The following SULT6B1 variants were observed in gnomAD, a reference collection of about 807,000 sequenced individuals.
SULT6B1 encodes the protein sulfotransferase family 6B member 1, also known as sulfotransferase 6B1.
SULT6B1 carries 44 observed loss-of-function variants against 37.2 expected under a neutral mutation model. That is an observed-to-expected ratio of 1.18 (90% CI 0.93 to 1.52). SULT6B1 has a LOEUF of 1.52. Among genes scored for constraint, SULT6B1 ranks in the 40% most tolerant of loss-of-function variants. SULT6B1 has a pLI of 0.00. For synonymous variants in SULT6B1, 140 were observed against 126.0 expected, an observed-to-expected ratio of 1.11 and a Z score of -0.74; for missense variants, 450 against 361.0, an observed-to-expected ratio of 1.25 and a Z score of -2.00.
chr2:37,179,194 G>A (rs916143425), intron 4 of SULT6B1, among the ~76,000 whole-genome samples: 3 of 152,166 alleles, frequency 2.0e-5, no homozygotes. Flanking sequence ...TCCTGACCTT[G>A]TGATCTGCCC....
chr2:37,190,755 G>A (rs1431943158), upstream of SULT6B1, among the ~76,000 whole-genome samples: 1 of 152,132 alleles, frequency 6.6e-6, no homozygotes, highest in Non-Finnish European at 1.5e-5. Context: ...AGTGGTACAG[G>A]ATGCAGGGTC....
chr2:37,172,773 G>T (rs898438001), intron 5 of SULT6B1, among the ~76,000 whole-genome samples: 1 of 152,352 alleles, frequency 6.6e-6, no homozygotes, highest in South Asian at 2.1e-4. Context: ...CTCCCAAAGT[G>T]CTAGGATTAC....
intron 3 of SULT6B1, among the ~76,000 whole-genome samples, 185 bp from the exon 4 acceptor site, chr2:37,179,769 G>C (rs761067036): frequency 6.6e-6 from 1 of 152,028 alleles, no homozygotes; most frequent in African/African-American, 2.4e-5. Flanking sequence ...GGAAAGGAGA[G>C]AAAGAAGAAG....
upstream of SULT6B1, chr2:37,191,244 G>A (rs532174654): frequency 7.5e-6 from 1 of 133,436 alleles, no homozygotes; most frequent in African/African-American, 2.9e-5. Flanking sequence ...CAAGGCCATG[G>A]CATTTTTCAC....
intron 4 of SULT6B1, among the ~76,000 whole-genome samples, chr2:37,176,152 C>T (rs1326820230): frequency 6.6e-6 from 1 of 151,910 alleles, no homozygotes; most frequent in Non-Finnish European, 1.5e-5. Context: ...CTTAAAACTC[C>T]TTGTACCTTA....
At chr2:37,192,087 T>G (rs890730898), upstream of SULT6B1, among the ~76,000 whole-genome samples, 16 of 152,222 alleles carry the variant, frequency 1.1e-4, no homozygotes, top group African/African-American at 3.9e-4. Context: ...TCCTGCAGTG[T>G]TGCTGGCATT....
chr2:37,168,002 AATTTTTC>A lies in SULT6B1; in HGVS notation c.838_844del (p.Glu280SerfsTer5). On this transcript the variant is annotated frameshift_variant, in exon 7 of 7. Transcript: ENST00000535679. LOFTEE classifies it high-confidence loss of function. ...GGAGGTGCCTGCTAAGCACTCTTTG[AATTTTTC>A]ATCCATTTCCTGGTTCTGAATTTCA... 3 of 1,602,794 alleles carry A rather than the reference AATTTTTC, an allele frequency of 1.9e-6. No homozygotes were observed. Among genetic ancestry groups the A allele is most frequent in the Non-Finnish European group, 2.5e-6 (3 of 1,177,584 alleles).
intron 5 of SULT6B1, among the ~76,000 whole-genome samples, chr2:37,173,649 T>C (rs535781252): frequency 1.3e-5 from 2 of 152,298 alleles, no homozygotes; most frequent in East Asian, 3.9e-4. Flanking sequence ...GCCAGGCCAA[T>C]AATATTGGAG....
chr2:37,192,172 G>C (rs554169084), upstream of SULT6B1, among the ~76,000 whole-genome samples: 26 of 152,274 alleles, frequency 1.7e-4, 1 homozygote, highest in South Asian at 5.2e-3. Flanking sequence ...ACAGCATTTT[G>C]GGACAAATAC....
intron 6 of SULT6B1, among the ~76,000 whole-genome samples, chr2:37,171,067 C>A (rs148844216): frequency 1.3e-5 from 2 of 152,068 alleles, no homozygotes; most frequent in Non-Finnish European, 2.9e-5. Flanking sequence ...TAAAACCCTG[C>A]CTTTACTAAA....
intron 6 of SULT6B1, among the ~76,000 whole-genome samples, chr2:37,170,800 C>T (rs993282564): frequency 6.6e-6 from 1 of 150,770 alleles, no homozygotes; most frequent in Non-Finnish European, 1.5e-5. Context: ...TTAAAGGGGG[C>T]TCACTCAGCT....
At chr2:37,185,272 T>C (rs1676646762) in intron 2 of SULT6B1, among the ~76,000 whole-genome samples, 1 of 152,138 alleles carries the variant, frequency 6.6e-6, no homozygotes, top group Admixed American at 6.5e-5. Context: ...ACATAATATA[T>C]AATACTATGT....
chr2:37,192,427 T>C (rs191078062), upstream of SULT6B1, among the ~76,000 whole-genome samples: 12 of 152,336 alleles, frequency 7.9e-5, no homozygotes, highest in African/African-American at 2.9e-4. Flanking sequence ...GGTGAATATT[T>C]ATTTTTTAAA....
At chr2:37,175,093 A>G in intron 5 of SULT6B1, 39 bp downstream of exon 5, 7 of 1,267,522 alleles carry the variant, frequency 5.5e-6, no homozygotes, top group Non-Finnish European at 7.7e-6. Context: ...GTTGTAGTTT[A>G]CAATAAATTT....
chr2:37,173,265 T>C (rs2148286559), intron 5 of SULT6B1, among the ~76,000 whole-genome samples: 1 of 152,300 alleles, frequency 6.6e-6, no homozygotes, highest in African/African-American at 2.4e-5. Flanking sequence ...TCCACAGGAT[T>C]CTGCTTTCCT....
intron 6 of SULT6B1, among the ~76,000 whole-genome samples, chr2:37,169,009 G>A (rs1186991737): frequency 1.3e-5 from 2 of 152,126 alleles, no homozygotes; most frequent in African/African-American, 2.4e-5. Flanking sequence ...GAATAAGGGT[G>A]GAAGAAAATA....
chr2:37,168,506 A>C (rs1285684734), intron 6 of SULT6B1, among the ~76,000 whole-genome samples: 1 of 152,168 alleles, frequency 6.6e-6, no homozygotes, highest in Non-Finnish European at 1.5e-5. Flanking sequence ...TAAAATTAAC[A>C]ATATCCATTG....
chr2:37,185,543 C>G lies in SULT6B1; in HGVS notation c.312+1812G>C, dbSNP rs533089284. ...AGTAGCCTGTCCAACATGACGAAAC[C>G]CCGTCTCTACTAAAAATACAAAACA... On this transcript the variant is annotated intron_variant, in intron 2 of 6. Transcript: ENST00000535679. 1.8e-3 allele frequency among the ~76,000 whole-genome samples: 272 copies of G among 151,804 alleles called. 2 individuals are homozygous for G. Among genetic ancestry groups the G allele is most frequent in the Non-Finnish European group, 2.9e-3 (197 of 67,948 alleles).
At position 37,168,043 on chromosome 2, in the gene SULT6B1, A is replaced by AT. The variant is rs1019479641; in HGVS notation, c.803dup (p.Asn268LysfsTer5). On this transcript the variant is annotated frameshift_variant, in exon 7 of 7. Transcript: ENST00000535679. LOFTEE classifies it high-confidence loss of function. ...CCTGGTTCTGAATTTCACTGAACAA[A>AT]TTTTTCCAATCACCAACTTCACCTA... 3.8e-6 allele frequency: 6 copies of AT among 1,595,138 alleles called. No individual in the cohort carries two copies. The African/African-American group carries it at 8.1e-5, about 22-fold the overall frequency.
Sources: allele counts gnomAD v4.1 joint callset (sites outside exome capture counted in the v4.1 genomes callset), GRCh38; gene constraint gnomAD v4.1.1; transcripts MANE v1.5; gene names NCBI Gene and HGNC (gene_info 2026-07-23, HGNC 2026-07-21).